The following ELL variants were observed in gnomAD, a reference collection of about 807,000 sequenced individuals.
The protein encoded by ELL is elongation factor for RNA polymerase II.
ELL carries 18 observed loss-of-function variants against 64.0 expected under a neutral mutation model. The ratio of observed to expected loss-of-function variants is 0.28; its 90% CI spans 0.19 to 0.42. The LOEUF is 0.42. Among genes scored for constraint, ELL ranks in the 10% least tolerant of loss-of-function variants. The pLI, the probability that ELL is intolerant of heterozygous loss-of-function variation, is 1.00. For synonymous variants in ELL, 399 were observed against 376.2 expected, an observed-to-expected ratio of 1.06 and a Z score of -0.70; for missense variants, 797 against 870.4, an observed-to-expected ratio of 0.92 and a Z score of 1.06.
intron 7 of ELL, among the ~76,000 whole-genome samples, chr19:18,451,197 T>A (rs1198168670): frequency 6.6e-6 from 1 of 152,144 alleles, no homozygotes; most frequent in Non-Finnish European, 1.5e-5. Flanking sequence ...CAGGGCCCAG[T>A]GTGTGAGCGG....
chr19:18,486,218 C>G (rs1975412848), intron 1 of ELL, among the ~76,000 whole-genome samples: 1 of 152,120 alleles, frequency 6.6e-6, no homozygotes, highest in Middle Eastern at 3.2e-3. Context: ...GGAGGGGCTT[C>G]TGTGTGAAGC....
intron 1 of ELL, among the ~76,000 whole-genome samples, chr19:18,515,295 C>G (rs1976105173): frequency 6.6e-6 from 1 of 152,236 alleles, no homozygotes; most frequent in Non-Finnish European, 1.5e-5. Context: ...CCTTGAAACA[C>G]ACAGGCAAAC....
chr19:18,465,729 C>A (rs1379451997), intron 3 of ELL, 68 bp downstream of exon 3: 1 of 1,436,526 alleles, frequency 7.0e-7, no homozygotes, highest in Non-Finnish European at 9.2e-7. Context: ...ACATCTCAAC[C>A]CTGGGCCAGA....
rs531226575 is a variant in ELL, at chr19:18,495,605, G to A, written c.136-22723C>T. 5.8e-4 allele frequency among the ~76,000 whole-genome samples: 89 copies of A among 152,326 alleles called. 1 individual carries two copies. The South Asian group carries it at 0.017, about 29-fold the overall frequency. Reference sequence around the variant, plus strand: ...TGAAGGAGGAGGGCCGAGAGCCTGCGGAGACAGGGCTGGTAGGCAGAGTGA... The same window carrying A: ...TGAAGGAGGAGGGCCGAGAGCCTGCAGAGACAGGGCTGGTAGGCAGAGTGA... On this transcript the variant is annotated intron_variant, in intron 1 of 11. Coordinates refer to ENST00000262809, the MANE Select transcript of ELL (RefSeq NM_006532.4).
chr19:18,473,355 C>T, intron 1 of ELL: 1 of 369,902 alleles, frequency 2.7e-6, no homozygotes, highest in Non-Finnish European at 5.5e-6. Flanking sequence ...CTCTCACAGC[C>T]CCAGCTGATC....
intron 1 of ELL, among the ~76,000 whole-genome samples, chr19:18,484,299 T>C (rs1283276820): frequency 2.6e-5 from 4 of 152,136 alleles, no homozygotes; most frequent in African/African-American, 7.2e-5. Context: ...CCCCCATCTC[T>C]ACTAAAAACA....
intron 4 of ELL, among the ~76,000 whole-genome samples, chr19:18,462,728 C>T (rs996493360): frequency 6.6e-6 from 1 of 152,144 alleles, no homozygotes; most frequent in African/African-American, 2.4e-5. Flanking sequence ...AACTGGGGGT[C>T]CCTGAACTGC....
intron 1 of ELL, among the ~76,000 whole-genome samples, chr19:18,509,383 GGGA>G (rs1189233005): frequency 6.6e-6 from 1 of 151,964 alleles, no homozygotes; most frequent in African/African-American, 2.4e-5. Flanking sequence ...TCAGGCCTGT[GGGA>G]GGAGACAAGG....
chr19:18,471,496 T>A (rs1975064408), intron 2 of ELL: 1 of 261,504 alleles, frequency 3.8e-6, no homozygotes, highest in Admixed American at 5.0e-5. Flanking sequence ...GGTGAAACCC[T>A]ATCTCTACTA....
At chr19:18,499,710 C>A (rs1975740693) in intron 1 of ELL, among the ~76,000 whole-genome samples, 1 of 152,098 alleles carries the variant, frequency 6.6e-6, no homozygotes, top group African/African-American at 2.4e-5. Context: ...AGCCACACCA[C>A]CTCACGGCAT....
At chr19:18,483,885 C>G (rs1430351165) in intron 1 of ELL, among the ~76,000 whole-genome samples, 1 of 152,236 alleles carries the variant, frequency 6.6e-6, no homozygotes, top group Non-Finnish European at 1.5e-5. Context: ...CCAGGCATGG[C>G]CCAGGCCTGC....
chr19:18,479,559 A>C (rs759382533), intron 1 of ELL, among the ~76,000 whole-genome samples: 3 of 151,674 alleles, frequency 2.0e-5, no homozygotes, highest in Non-Finnish European at 4.4e-5. Flanking sequence ...AAATACAAAA[A>C]TTAGCCAGGC....
intron 1 of ELL, among the ~76,000 whole-genome samples, chr19:18,492,527 C>T (rs1427034020): frequency 1.3e-5 from 2 of 152,224 alleles, no homozygotes; most frequent in Non-Finnish European, 2.9e-5. Flanking sequence ...AATGCCACTT[C>T]AGCTCACCAC....
intron 1 of ELL, among the ~76,000 whole-genome samples, chr19:18,488,892 C>A (rs1975470872): frequency 6.6e-6 from 1 of 152,210 alleles, no homozygotes; most frequent in Non-Finnish European, 1.5e-5. Context: ...TCCTTCCAAA[C>A]TGACAAACTG....
chr19:18,472,888 A>C lies in ELL; in HGVS notation c.136-6T>G. ...GGCCTCAGTGAAACAGAATCCTATAAAAAAAAAAAAAAAAAAAAAAAGGTG... is the reference window on the plus strand; with the variant it reads ...GGCCTCAGTGAAACAGAATCCTATACAAAAAAAAAAAAAAAAAAAAAGGTG... On this transcript the variant is annotated splice_polypyrimidine_tract_variant and splice_region_variant and intron_variant, in intron 1 of 11. Transcript: ENST00000262809. 1 of 605,014 alleles carries C rather than the reference A, an allele frequency of 1.7e-6. No homozygotes were observed. The highest frequency in any genetic ancestry group is 2.4e-6 in the Non-Finnish European group (1 of 412,954). The allele number at this position is 605,014 out of a possible 1,614,324, so 37.5% of individuals were successfully genotyped here.
chr19:18,483,029 C>T (rs1251740679), intron 1 of ELL, among the ~76,000 whole-genome samples: 2 of 152,104 alleles, frequency 1.3e-5, no homozygotes, highest in African/African-American at 4.8e-5. Flanking sequence ...GATCCTCTCA[C>T]CTCAACTTCT....
chr19:18,507,676 C>G (rs1975912328), intron 1 of ELL, among the ~76,000 whole-genome samples: 1 of 152,254 alleles, frequency 6.6e-6, no homozygotes, highest in Admixed American at 6.5e-5. Flanking sequence ...ATCCCTCCTG[C>G]TTCTTACTGG....
At chr19:18,479,680 G>C (rs1262419421) in intron 1 of ELL, among the ~76,000 whole-genome samples, 1 of 137,920 alleles carries the variant, frequency 7.3e-6, no homozygotes, top group East Asian at 2.1e-4. Flanking sequence ...CTGCACTCCA[G>C]CCTGCACGAC....
intron 2 of ELL, 78 bp downstream of exon 2, chr19:18,472,757 T>C (rs1447016189): frequency 1.3e-6 from 2 of 1,510,926 alleles, no homozygotes; most frequent in Non-Finnish European, 1.8e-6. Flanking sequence ...GCTGCTGCTG[T>C]ACCCAGCGAG....
Sources: gnomAD v4.1 joint callset for allele counts (sites outside exome capture counted in the v4.1 genomes callset) on GRCh38, gnomAD v4.1.1 for gene constraint, MANE v1.5 for transcripts, NCBI Gene and HGNC (gene_info 2026-07-23, HGNC 2026-07-21) for gene names.